The following TMEM44 variants were observed in gnomAD, a reference collection of about 807,000 sequenced individuals.
TMEM44 encodes the protein transmembrane protein 44.
In TMEM44, 43 loss-of-function variants were observed where a neutral mutation model predicts 47.8. The observed-to-expected ratio is 0.90, with a 90% confidence interval of 0.70 to 1.16. TMEM44 has a LOEUF of 1.16. Among genes scored for constraint, TMEM44 ranks in the 50% most tolerant of loss-of-function variants. TMEM44 has a pLI of 0.00. For missense variants in TMEM44, 568 were observed against 555.2 expected, an observed-to-expected ratio of 1.02 and a Z score of -0.23; for synonymous variants, 277 against 238.8, an observed-to-expected ratio of 1.16 and a Z score of -1.48.
intron 9 of TMEM44, among the ~76,000 whole-genome samples, chr3:194,598,223 G>A (rs1263518424): frequency 2.0e-5 from 3 of 152,076 alleles, no homozygotes; most frequent in South Asian, 2.1e-4. Context: ...CTCCCTCCAC[G>A]CGAGCCCCAC....
chr3:194,607,859 C>G (rs545376260), intron 8 of TMEM44, among the ~76,000 whole-genome samples: 2 of 152,222 alleles, frequency 1.3e-5, no homozygotes, highest in African/African-American at 4.8e-5. Flanking sequence ...CAGTGGGGCT[C>G]GGGGCTCCCT....
intron 2 of TMEM44, among the ~76,000 whole-genome samples, chr3:194,627,882 G>C (rs1717344484): frequency 6.6e-6 from 1 of 152,158 alleles, no homozygotes; most frequent in Non-Finnish European, 1.5e-5. Context: ...GGGAGGCTGA[G>C]GCAGGAGAAT....
intron 9 of TMEM44, among the ~76,000 whole-genome samples, chr3:194,601,513 AG>A (rs1409240566): frequency 2.0e-5 from 3 of 152,160 alleles, no homozygotes; most frequent in African/African-American, 7.2e-5. Flanking sequence ...CATGTTGGTC[AG>A]GCTGGTCTCG....
In TMEM44 at chr3:194,595,771, G is replaced by A. The variant is rs1040736600; in HGVS notation, c.1177-7132C>T. Among the ~76,000 whole-genome samples the A allele has an allele frequency of 5.3e-5, 8 of 151,966 alleles. No individual in the cohort carries two copies. The East Asian group carries it at 7.7e-4, about 15-fold the overall frequency. ...CTCCTGAGTAGCTGGGATTACAGGC[G>A]TGCGCCACCATGCCAGGCTCATTTT... is the stretch of plus-strand genomic sequence containing the variant. On this transcript the variant is annotated intron_variant, in intron 9 of 9. Coordinates refer to ENST00000347147, the MANE Select transcript of TMEM44 (RefSeq NM_001011655.3).
At chr3:194,603,732 AT>A (rs1382896737) in intron 9 of TMEM44, among the ~76,000 whole-genome samples, 1 of 152,120 alleles carries the variant, frequency 6.6e-6, no homozygotes, top group Non-Finnish European at 1.5e-5. Flanking sequence ...TTGTTCATTC[AT>A]TCATCACTCA....
intron 3 of TMEM44, among the ~76,000 whole-genome samples, chr3:194,624,804 C>T (rs1716964576): frequency 6.6e-6 from 1 of 151,820 alleles, no homozygotes; most frequent in South Asian, 2.1e-4. Flanking sequence ...ACCTCCAGTT[C>T]CCGGGTTTAA....
chr3:194,633,140 C>T lies in TMEM44; in HGVS notation c.76G>A (p.Val26Ile), dbSNP rs750759430. 3 of 1,551,284 alleles carry T rather than the reference C, an allele frequency of 1.9e-6. No individual in the cohort carries two copies. The South Asian group carries it at 3.6e-5, about 18-fold the overall frequency. Reference protein sequence around the residue: ...YLDRCFARHRVCISFGLWICA... With the variant: ...YLDRCFARHRICISFGLWICA... ...ATCCACAGGCCGAAGGAGATGCAGA[C>T]GCGGTGGCGGGCGAAGCAGCGGTCC... Residue 26 changes from valine (V) to isoleucine (I), a missense_variant, in exon 1 of 10, where the codon GTC becomes ATC. Val to Ile is a conservative substitution (Grantham distance 29). Transcript: ENST00000347147.
chr3:194,612,895 G>C (rs935219603), intron 7 of TMEM44, among the ~76,000 whole-genome samples: 11 of 151,836 alleles, frequency 7.2e-5, no homozygotes, highest in African/African-American at 2.7e-4. Context: ...CTCGTGATCC[G>C]CCCGCCTCTG....
chr3:194,619,159 T>C (rs1716262292), intron 5 of TMEM44, among the ~76,000 whole-genome samples: 1 of 152,248 alleles, frequency 6.6e-6, no homozygotes, highest in African/African-American at 2.4e-5. Flanking sequence ...CAGGATGAAC[T>C]GCACGGGGAA....
chr3:194,627,654 C>G (rs1023740595), intron 2 of TMEM44, among the ~76,000 whole-genome samples: 1 of 152,112 alleles, frequency 6.6e-6, no homozygotes, highest in Admixed American at 6.6e-5. Flanking sequence ...CCTTGTAGAG[C>G]TGACACTCTA....
chr3:194,601,414 C>T (rs963152900), intron 9 of TMEM44, among the ~76,000 whole-genome samples: 5 of 151,986 alleles, frequency 3.3e-5, no homozygotes, highest in African/African-American at 1.2e-4. Flanking sequence ...AAGCAATTCT[C>T]CCGCCTCAGC....
chr3:194,615,318 A>C (rs1715757849), intron 7 of TMEM44, among the ~76,000 whole-genome samples: 3 of 152,162 alleles, frequency 2.0e-5, no homozygotes, highest in African/African-American at 7.2e-5. Flanking sequence ...TGGAATTCCC[A>C]AGCCCCGGCC....
intron 9 of TMEM44, among the ~76,000 whole-genome samples, chr3:194,594,622 T>TG (rs1235736633): frequency 7.1e-6 from 1 of 141,504 alleles, no homozygotes; most frequent in East Asian, 2.0e-4. Context: ...GAACATAAAC[T>TG]GAAAAAAAAA....
At chr3:194,593,408 A>G (rs1436679836) in intron 9 of TMEM44, among the ~76,000 whole-genome samples, 1 of 152,188 alleles carries the variant, frequency 6.6e-6, no homozygotes, top group Non-Finnish European at 1.5e-5. Flanking sequence ...TAAATCTCCC[A>G]TTTATTAACC....
chr3:194,606,476 C>T (rs915977901), intron 8 of TMEM44, among the ~76,000 whole-genome samples: 4 of 152,148 alleles, frequency 2.6e-5, no homozygotes, highest in Non-Finnish European at 2.9e-5. Flanking sequence ...AGGTACAAAG[C>T]GGCAGCACAG....
At chr3:194,597,613 T>C (rs1363195322) in intron 9 of TMEM44, among the ~76,000 whole-genome samples, 1 of 149,748 alleles carries the variant, frequency 6.7e-6, no homozygotes, top group African/African-American at 2.5e-5. Context: ...TGAGCCGAGA[T>C]TGCGCCATTG....
chr3:194,618,923 G>A (rs1027217014), intron 5 of TMEM44, among the ~76,000 whole-genome samples: 6 of 152,204 alleles, frequency 3.9e-5, no homozygotes, highest in African/African-American at 9.6e-5. Context: ...TGGAGCAGCC[G>A]GCTGGGAGGG....
intron 8 of TMEM44, among the ~76,000 whole-genome samples, chr3:194,608,218 C>T (rs1714965511): frequency 6.6e-6 from 1 of 152,178 alleles, no homozygotes; most frequent in Admixed American, 6.5e-5. Context: ...AAGGCATGCT[C>T]TGAATCTCTC....
chr3:194,588,675 A>C (rs552645478), intron 9 of TMEM44, 36 bp from the exon 10 acceptor site: 1 of 1,580,342 alleles, frequency 6.3e-7, no homozygotes, highest in African/African-American at 1.3e-5. Context: ...GCTGGGTGGA[A>C]CGGATAGATG....
Sources: allele counts gnomAD v4.1 joint callset (sites outside exome capture counted in the v4.1 genomes callset), GRCh38; gene constraint gnomAD v4.1.1; transcripts MANE v1.5; gene names NCBI Gene and HGNC (gene_info 2026-07-23, HGNC 2026-07-21).